The following CCDC3 variants were observed in gnomAD, a reference collection of about 807,000 sequenced individuals.
The protein encoded by CCDC3 is coiled-coil domain-containing protein 3.
CCDC3 carries 24 observed loss-of-function variants against 21.4 expected under a neutral mutation model. That is an observed-to-expected ratio of 1.12 (90% CI 0.81 to 1.58). The LOEUF (loss-of-function observed/expected upper bound fraction) is 1.58. Among genes scored for constraint, CCDC3 ranks in the 40% most tolerant of loss-of-function variants. The probability of loss-of-function intolerance (pLI) is 0.00; values close to 1 mark genes in which losing one functional copy is unlikely to be tolerated. For synonymous variants in CCDC3, 186 were observed against 166.0 expected (o/e 1.12, Z -0.93); for missense variants, 425 against 360.9 (o/e 1.18, Z -1.44).
chr10:13,036,351 C>G (rs1324447819), intron 5 of CCDC3, among the ~76,000 whole-genome samples: 1 of 152,116 alleles, frequency 6.6e-6, no homozygotes, highest in East Asian at 1.9e-4. Context: ...TTTTTTAAAA[C>G]TTCAAGTAAA....
intron 4 of CCDC3, among the ~76,000 whole-genome samples, chr10:13,052,861 G>C (rs1397188659): frequency 2.0e-5 from 3 of 151,636 alleles, no homozygotes; most frequent in Non-Finnish European, 4.4e-5. Context: ...AGAATCACTT[G>C]AACCCAGGAA....
At chr10:12,961,795 T>C (rs565278047) in intron 2 of CCDC3, among the ~76,000 whole-genome samples, 2 of 152,320 alleles carry the variant, frequency 1.3e-5, no homozygotes, top group Non-Finnish European at 2.9e-5. Context: ...TTTCCTTGGT[T>C]CATGCTGCTC....
intron 2 of CCDC3, among the ~76,000 whole-genome samples, chr10:12,908,860 G>A (rs547204237): frequency 6.6e-6 from 1 of 152,268 alleles, no homozygotes; most frequent in East Asian, 1.9e-4. Context: ...CAAAGTGCTT[G>A]GGTTTACAGG....
At chr10:12,910,610 AAT>A (rs1491465022) in intron 2 of CCDC3, among the ~76,000 whole-genome samples, 113 of 103,034 alleles carry the variant, frequency 1.1e-3, no homozygotes, top group Middle Eastern at 4.7e-3. Flanking sequence ...AAAAAAAAAA[AAT>A]TTTTTTTTTT....
In CCDC3 at chr10:12,971,279, A is replaced by G. The variant is rs139312860; in HGVS notation, c.549+27059T>C. 1.9e-3 allele frequency among the ~76,000 whole-genome samples: 295 copies of G among 152,336 alleles called. 1 individual carries two copies. The highest frequency in any genetic ancestry group is 6.6e-3 in the African/African-American group (274 of 41,564). ...TGGGGCATCGTGCGCAGCTGAAACAATGCCTGGGCAGAACATGCATGTGGC... is the reference window on the plus strand; with the variant it reads ...TGGGGCATCGTGCGCAGCTGAAACAGTGCCTGGGCAGAACATGCATGTGGC... On this transcript the variant is annotated intron_variant, in intron 2 of 2. Coordinates refer to ENST00000378825, the MANE Select transcript of CCDC3 (RefSeq NM_031455.4).
chr10:12,932,041 T>C (rs1023683906), intron 2 of CCDC3, among the ~76,000 whole-genome samples: 2 of 152,248 alleles, frequency 1.3e-5, no homozygotes, highest in Admixed American at 6.5e-5. Context: ...CCTGACACTA[T>C]TGAGTCTTCC....
intron 5 of CCDC3, among the ~76,000 whole-genome samples, chr10:13,032,348 A>C (rs1166080833): frequency 6.6e-6 from 1 of 152,220 alleles, no homozygotes. Flanking sequence ...TCTCAAAATA[A>C]TAAGAGTTAT....
chr10:13,090,689 A>C (rs1832556681), intron 3 of CCDC3, among the ~76,000 whole-genome samples: 1 of 152,166 alleles, frequency 6.6e-6, no homozygotes, highest in Admixed American at 6.5e-5. Flanking sequence ...TGTCCTCCCA[A>C]AATCCATAGA....
intron 5 of CCDC3, among the ~76,000 whole-genome samples, chr10:13,035,441 T>A (rs1476416988): frequency 1.3e-5 from 2 of 152,224 alleles, no homozygotes; most frequent in Non-Finnish European, 2.9e-5. Context: ...GGTTCTGAAA[T>A]GAACGGCAAC....
At chr10:12,928,323 G>A (rs1834579196) in intron 2 of CCDC3, among the ~76,000 whole-genome samples, 1 of 152,190 alleles carries the variant, frequency 6.6e-6, no homozygotes, top group East Asian at 1.9e-4. Context: ...GCACAAGAGA[G>A]AAGAATACAA....
At chr10:13,020,610 A>C (rs934246385) in intron 5 of CCDC3, among the ~76,000 whole-genome samples, 2 of 152,206 alleles carry the variant, frequency 1.3e-5, no homozygotes, top group Admixed American at 1.3e-4. Flanking sequence ...GATCATTCTC[A>C]CCTCAAAATA....
intron 4 of CCDC3, among the ~76,000 whole-genome samples, chr10:13,070,059 A>C (rs1253046119): frequency 6.6e-6 from 1 of 152,172 alleles, no homozygotes; most frequent in Non-Finnish European, 1.5e-5. Flanking sequence ...ATATCAAGCA[A>C]AACAAGAGTT....
At chr10:12,902,050 C>T (rs1042288500) in intron 2 of CCDC3, among the ~76,000 whole-genome samples, 1 of 152,212 alleles carries the variant, frequency 6.6e-6, no homozygotes, top group African/African-American at 2.4e-5. Context: ...TAGCTATTCA[C>T]ACCACACGCC....
intron 2 of CCDC3, among the ~76,000 whole-genome samples, chr10:12,982,858 A>AT (rs1564308277): frequency 6.7e-6 from 1 of 150,296 alleles, no homozygotes; most frequent in African/African-American, 2.4e-5. Context: ...CACGCCTTTA[A>AT]TAACAGCACT....
intron 3 of CCDC3, among the ~76,000 whole-genome samples, chr10:13,076,833 A>G (rs545505305): frequency 1.8e-4 from 27 of 152,304 alleles, no homozygotes; most frequent in African/African-American, 5.3e-4. Flanking sequence ...TTGTCAGCCA[A>G]TCGGGTTCAG....
intron 2 of CCDC3, among the ~76,000 whole-genome samples, chr10:12,908,070 G>GA (rs1379811262): frequency 6.6e-6 from 1 of 152,182 alleles, no homozygotes; most frequent in Non-Finnish European, 1.5e-5. Flanking sequence ...TGTCTTGGGT[G>GA]AATTGCCTGC....
chr10:12,940,228 TG>T (rs56983728), intron 2 of CCDC3, among the ~76,000 whole-genome samples: 19,117 of 100,356 alleles, frequency 0.19, 1,565 homozygotes, highest in African/African-American at 0.27. Flanking sequence ...TCATTGAAAT[TG>T]TTTTTTTTTT....
In CCDC3 at chr10:13,060,371, G is replaced by A. The variant is rs1836740698; in HGVS notation, c.-269-10430C>T. ...GAGAGGACCAAAGATGCACCCTCAGGGAGCGCCAGCATTTGGGATGTGGGC... is the reference window on the plus strand; with the variant it reads ...GAGAGGACCAAAGATGCACCCTCAGAGAGCGCCAGCATTTGGGATGTGGGC... On this transcript the variant is annotated intron_variant, in intron 4 of 6. Transcript: ENST00000378839. 2.0e-5 allele frequency among the ~76,000 whole-genome samples: 3 copies of A among 152,098 alleles called. No individual in the cohort carries two copies. In the South Asian group the frequency reaches 6.2e-4, roughly 32 times the overall value.
chr10:13,011,501 A>G (rs568558783), intron 5 of CCDC3, among the ~76,000 whole-genome samples: 3 of 152,332 alleles, frequency 2.0e-5, no homozygotes, highest in African/African-American at 7.2e-5. Context: ...GATCTCTACA[A>G]TAAGAATTAC....
Sources: allele counts gnomAD v4.1 joint callset (sites outside exome capture counted in the v4.1 genomes callset), GRCh38; gene constraint gnomAD v4.1.1; transcripts MANE v1.5; gene names NCBI Gene and HGNC (gene_info 2026-07-23, HGNC 2026-07-21).